SRGAP3: variants seen among roughly 807,000 people sequenced by gnomAD.
SRGAP3 encodes the protein SLIT-ROBO Rho GTPase activating protein 3.
Under a neutral mutation model 121.1 loss-of-function variants are expected in SRGAP3, and 39 were observed. The observed-to-expected ratio is 0.32, with a 90% CI of 0.25 to 0.42. SRGAP3 has a LOEUF of 0.42. SRGAP3 is among the 10% of genes least tolerant of loss of function. The probability of loss-of-function intolerance (pLI) is 1.00; values close to 1 mark genes in which losing one functional copy is unlikely to be tolerated. For synonymous variants in SRGAP3, 601 were observed against 570.0 expected, an observed-to-expected ratio of 1.05 and a Z score of -0.77; for missense variants, 1,213 against 1,470.6, an observed-to-expected ratio of 0.82 and a Z score of 2.86.
intron 1 of SRGAP3, among the ~76,000 whole-genome samples, chr3:9,220,667 TC>T (rs1952783654): frequency 6.6e-6 from 1 of 152,190 alleles, no homozygotes; most frequent in Non-Finnish European, 1.5e-5. Context: ...AGTGTCTTTG[TC>T]CCCAAATCTC....
At chr3:9,234,367 G>A (rs953021226) in intron 1 of SRGAP3, among the ~76,000 whole-genome samples, 8 of 152,022 alleles carry the variant, frequency 5.3e-5, no homozygotes, top group Non-Finnish European at 8.8e-5. Context: ...GTGTCCTACC[G>A]AGACACTGAG....
intron 1 of SRGAP3, among the ~76,000 whole-genome samples, chr3:9,337,918 A>G (rs1955718629): frequency 6.6e-6 from 1 of 152,230 alleles, no homozygotes; most frequent in Non-Finnish European, 1.5e-5. Context: ...AATTTTGTCA[A>G]TTCTGGCATT....
chr3:9,261,576 C>A (rs1483890464), intron 3 of SRGAP3, among the ~76,000 whole-genome samples: 3 of 151,556 alleles, frequency 2.0e-5, no homozygotes, highest in African/African-American at 4.9e-5. Context: ...ATAGCCAAAT[C>A]AATCAAGCAG....
intron 1 of SRGAP3, among the ~76,000 whole-genome samples, chr3:9,361,412 C>T (rs1362911430): frequency 6.6e-6 from 1 of 152,172 alleles, no homozygotes; most frequent in South Asian, 2.1e-4. Context: ...CCCCTTTGCA[C>T]ATTTATAAAT....
chr3:9,222,368 G>A (rs984364147), intron 1 of SRGAP3, among the ~76,000 whole-genome samples: 1 of 152,154 alleles, frequency 6.6e-6, no homozygotes, highest in Non-Finnish European at 1.5e-5. Flanking sequence ...GGGCTCCCTG[G>A]CCCTCCTTCC....
chr3:9,261,807 C>A (rs1386543601), intron 3 of SRGAP3, among the ~76,000 whole-genome samples: 1 of 150,536 alleles, frequency 6.6e-6, no homozygotes, highest in Non-Finnish European at 1.5e-5. Context: ...CTTCCCCAAC[C>A]TAGCAAGACA....
intron 3 of SRGAP3, among the ~76,000 whole-genome samples, chr3:9,276,127 T>G (rs939868965): frequency 6.6e-6 from 1 of 152,146 alleles, no homozygotes; most frequent in African/African-American, 2.4e-5. Flanking sequence ...CCATCAAGAC[T>G]TAGTCAATGT....
intron 1 of SRGAP3, among the ~76,000 whole-genome samples, chr3:9,336,846 T>A (rs1054273535): frequency 1.3e-5 from 2 of 152,194 alleles, no homozygotes; most frequent in African/African-American, 4.8e-5. Flanking sequence ...TGGAGATATA[T>A]CTATACATGA....
intron 3 of SRGAP3, among the ~76,000 whole-genome samples, chr3:9,098,054 C>G (rs970058775): frequency 6.6e-6 from 1 of 152,140 alleles, no homozygotes; most frequent in Non-Finnish European, 1.5e-5. Context: ...TTATTTGAGG[C>G]TCGCTTCAAA....
chr3:9,008,280 TTC>T (rs1258711095), intron 18 of SRGAP3: 1 of 152,294 alleles, frequency 6.6e-6, no homozygotes, highest in African/African-American at 2.4e-5. Flanking sequence ...GCAAGCCCTA[TTC>T]TCTCTGTCCC....
At chr3:8,997,884 T>TAAAA (rs1432820977) in intron 18 of SRGAP3, among the ~76,000 whole-genome samples, 1 of 151,722 alleles carries the variant, frequency 6.6e-6, no homozygotes, top group East Asian at 1.9e-4. Context: ...AGAGGTTTTT[T>TAAAA]TTTTTCTTTT....
chr3:9,007,945 G>A (rs56320975), intron 18 of SRGAP3: 31,713 of 152,076 alleles, frequency 0.21, 3,500 homozygotes, highest in Non-Finnish European at 0.25. Flanking sequence ...ACCAAAGAGT[G>A]CCCCTGATTC....
intron 1 of SRGAP3, among the ~76,000 whole-genome samples, chr3:9,154,452 C>T (rs1031498711): frequency 1.3e-5 from 2 of 152,072 alleles, no homozygotes; most frequent in East Asian, 1.9e-4. Flanking sequence ...GCCCCACCCC[C>T]CATCAAGTTC....
At chr3:9,254,840 A>C (rs527505060) in intron 3 of SRGAP3, among the ~76,000 whole-genome samples, 1 of 138,464 alleles carries the variant, frequency 7.2e-6, no homozygotes, top group South Asian at 2.8e-4. Context: ...AGAGGAACGA[A>C]GGGAGGGAGG....
intron 1 of SRGAP3, among the ~76,000 whole-genome samples, chr3:9,213,828 C>G (rs554089608): frequency 2.0e-5 from 3 of 152,274 alleles, no homozygotes; most frequent in South Asian, 4.1e-4. Context: ...GTTTCCTCTG[C>G]CCTTTCTCTT....
chr3:9,224,209 T>C (rs1333551528), intron 1 of SRGAP3, among the ~76,000 whole-genome samples: 1 of 152,114 alleles, frequency 6.6e-6, no homozygotes, highest in Non-Finnish European at 1.5e-5. Context: ...CATTTAGACA[T>C]GAGACTTGGC....
At chr3:9,100,408 C>G (rs1296848722) in intron 3 of SRGAP3, among the ~76,000 whole-genome samples, 2 of 152,138 alleles carry the variant, frequency 1.3e-5, no homozygotes, top group African/African-American at 4.8e-5. Flanking sequence ...AGAGAAGAAG[C>G]AAACAGGAGG....
intron 1 of SRGAP3, among the ~76,000 whole-genome samples, chr3:9,227,240 T>C (rs1953019457): frequency 6.6e-6 from 1 of 152,256 alleles, no homozygotes; most frequent in African/African-American, 2.4e-5. Flanking sequence ...GATGAATTCA[T>C]TTTTGTAAAT....
At chr3:9,127,690 A>AC (rs1949291647) in intron 1 of SRGAP3, among the ~76,000 whole-genome samples, 2 of 151,936 alleles carry the variant, frequency 1.3e-5, no homozygotes, top group Non-Finnish European at 2.9e-5. Flanking sequence ...CTCGTGATCC[A>AC]CCCGCCTTGG....
Sources: gnomAD v4.1 joint callset for allele counts (sites outside exome capture counted in the v4.1 genomes callset) on GRCh38, gnomAD v4.1.1 for gene constraint, MANE v1.5 for transcripts, NCBI Gene and HGNC (gene_info 2026-07-23, HGNC 2026-07-21) for gene names.